ALMS1: variants seen among roughly 807,000 people sequenced by gnomAD.
ALMS1 encodes ALMS1 centrosome and basal body associated protein, also known as centrosome-associated protein ALMS1.
ALMS1 carries 271 observed loss-of-function variants against 352.2 expected under a neutral mutation model. The ratio of observed to expected loss-of-function variants is 0.77; its 90% CI spans 0.70 to 0.85. The LOEUF (loss-of-function observed/expected upper bound fraction) is 0.85, where lower values mean the gene tolerates loss of function less well. Ranked by LOEUF, ALMS1 falls within the 40% of genes least tolerant of loss-of-function variation. ALMS1 has a pLI of 0.00. For missense variants in ALMS1, 5,445 were observed against 4,870.7 expected (o/e 1.12, Z -3.51); for synonymous variants, 1,865 against 1,761.2 (o/e 1.06, Z -1.48).
chr2:73,539,983 A>C (rs1674130735), intron 12 of ALMS1, among the ~76,000 whole-genome samples: 1 of 152,356 alleles, frequency 6.6e-6, no homozygotes, highest in East Asian at 1.9e-4. Context: ...CCAATCTAGC[A>C]AGGCAGGCCA....
chr2:73,416,618 G>C (rs1055856286), intron 2 of ALMS1, among the ~76,000 whole-genome samples: 7 of 152,158 alleles, frequency 4.6e-5, no homozygotes, highest in African/African-American at 1.2e-4. Flanking sequence ...TATGGATTCT[G>C]TACCACCCGG....
intron 15 of ALMS1, among the ~76,000 whole-genome samples, chr2:73,567,229 T>C (rs1366643834): frequency 2.0e-5 from 3 of 152,170 alleles, no homozygotes; most frequent in Non-Finnish European, 2.9e-5. Flanking sequence ...AGGCCCCCCA[T>C]CCTAAGGGGC....
chr2:73,530,583 G>T (rs1261144960), intron 11 of ALMS1, among the ~76,000 whole-genome samples: 30 of 152,210 alleles, frequency 2.0e-4, no homozygotes, highest in Non-Finnish European at 1.5e-5. Flanking sequence ...CCATTCTGAG[G>T]TCTAGAGGAT....
At position 73,448,823 on chromosome 2, in the gene ALMS1, C is replaced by T; in HGVS notation, c.2296C>T (p.Gln766Ter). 6.2e-7 allele frequency: 1 copy of T among 1,613,982 alleles called. No homozygotes were observed. Among genetic ancestry groups the T allele is most frequent in the Non-Finnish European group, 8.5e-7 (1 of 1,179,970 alleles). Residue 766 changes from glutamine to a stop codon, truncating the protein, a stop_gained, in exon 8 of 23, where the codon CAA (glutamine) becomes TAA (stop). Transcript: ENST00000613296. LOFTEE classifies it high-confidence loss of function. ...AGCAGTACAGTCTAGTTCTTACTCA[C>T]AAAGAGAAAAGCCTAGTATTTTGTA... ...IPAVQSSSYS[Q>*]REKPSILYPQ...
chr2:73,561,425 G>T (rs1395122529), intron 15 of ALMS1, among the ~76,000 whole-genome samples: 1 of 152,132 alleles, frequency 6.6e-6, no homozygotes, highest in South Asian at 2.1e-4. Context: ...GCCTGTTGCT[G>T]CCTCTGGGAC....
chr2:73,478,709 T>TA (rs1442343523), intron 9 of ALMS1, among the ~76,000 whole-genome samples: 1 of 152,104 alleles, frequency 6.6e-6, no homozygotes, highest in African/African-American at 2.4e-5. Flanking sequence ...CCAGGATACA[T>TA]ATGCAGAACG....
chr2:73,568,251 C>G (rs1674843560), intron 15 of ALMS1, among the ~76,000 whole-genome samples: 1 of 152,124 alleles, frequency 6.6e-6, no homozygotes, highest in East Asian at 1.9e-4. Flanking sequence ...TCTTATAAGA[C>G]TATTATTAGA....
Position 73,419,370 on chromosome 2 carries a change from GC to G in ALMS1, c.646+53del, listed in dbSNP as rs1572911208. 3 of 1,559,012 alleles carry G rather than the reference GC, an allele frequency of 1.9e-6. No homozygotes were observed. The East Asian group carries it at 6.7e-5, about 35-fold the overall frequency. ...GTAATACCTCACATTTGTAAGTTTTGCGGGGACTGCAAGTCTTGTAACTTTC... is the reference window on the plus strand; with the variant it reads ...GTAATACCTCACATTTGTAAGTTTTGGGGGACTGCAAGTCTTGTAACTTTC... On this transcript the variant is annotated intron_variant, in intron 3 of 22. Coordinates refer to ENST00000613296, the MANE Select transcript of ALMS1 (RefSeq NM_001378454.1).
At chr2:73,410,769 A>G (rs1671060974) in intron 2 of ALMS1, among the ~76,000 whole-genome samples, 1 of 152,204 alleles carries the variant, frequency 6.6e-6, no homozygotes, top group Non-Finnish European at 1.5e-5. Flanking sequence ...AGCAGATAGG[A>G]AAAAAGCTCA....
intron 7 of ALMS1, 74 bp from the exon 8 acceptor site, chr2:73,447,886 C>T: frequency 7.0e-7 from 1 of 1,435,416 alleles, no homozygotes; most frequent in Non-Finnish European, 9.1e-7. Flanking sequence ...AGGCTCAAAG[C>T]TGGCTTTTTT....
chr2:73,582,607 G>A (rs887968641), intron 16 of ALMS1, among the ~76,000 whole-genome samples: 1 of 152,154 alleles, frequency 6.6e-6, no homozygotes, highest in Non-Finnish European at 1.5e-5. Context: ...CCTCATATGA[G>A]TGTAATCATG....
intron 14 of ALMS1, among the ~76,000 whole-genome samples, chr2:73,557,668 T>G (rs1674574250): frequency 6.6e-6 from 1 of 152,238 alleles, no homozygotes. Flanking sequence ...CTCTCAATTC[T>G]GTGAGACACG....
intron 12 of ALMS1, among the ~76,000 whole-genome samples, chr2:73,536,521 G>A (rs1450762300): frequency 2.0e-5 from 3 of 152,134 alleles, no homozygotes; most frequent in Non-Finnish European, 4.4e-5. Flanking sequence ...GAGTGAGGAA[G>A]TTGGGAATAG....
rs1343689605 is a variant in ALMS1, at chr2:73,452,084, C to G, written c.5557C>G (p.Gln1853Glu). ...CATCCTGCCCTCTAATTCCTACCCA[C>G]AGAGAGAGCACTCTGTCATTTCTTA... ...INILPSNSYP[Q>E]REHSVISYEQ... Residue 1853 changes from glutamine (Q) to glutamate (E), a missense_variant, in exon 8 of 23, where the codon CAG becomes GAG. By Grantham distance (29) the Gln-to-Glu change is conservative. Transcript: ENST00000613296. The G allele has an allele frequency of 6.2e-7, 1 of 1,614,050 alleles. No homozygotes were observed. Among genetic ancestry groups the G allele is most frequent in the Middle Eastern group, 1.6e-4 (1 of 6,062 alleles).
At chr2:73,491,575 T>C in intron 10 of ALMS1, 77 bp downstream of exon 10, 1 of 1,493,054 alleles carries the variant, frequency 6.7e-7, no homozygotes, top group African/African-American at 1.4e-5. Context: ...TAGATATCGG[T>C]TCTTGGGGGA....
intron 9 of ALMS1, among the ~76,000 whole-genome samples, chr2:73,467,229 A>C (rs1672374597): frequency 6.6e-6 from 1 of 152,136 alleles, no homozygotes; most frequent in Admixed American, 6.6e-5. Context: ...GGTATTTCGG[A>C]TACATATATT....
Position 73,490,825 on chromosome 2 carries a change from A to G in ALMS1, c.8866A>G (p.Ile2956Val), listed in dbSNP as rs1437509749. The G allele has an allele frequency of 6.2e-6, 10 of 1,613,832 alleles. No homozygotes were observed. Among genetic ancestry groups the G allele is most frequent in the Middle Eastern group, 1.6e-4 (1 of 6,084 alleles). Residue 2956 changes from isoleucine to valine, a missense_variant, in exon 10 of 23, where the codon ATA becomes GTA. Physicochemically the swap from Ile to Val is conservative, Grantham distance 29 (BLOSUM62 3). Transcript: ENST00000613296. ...TCCCCTTCCTCAAGGTCAGGATTCT[A>G]TAGCTTCAGACCTTCCGTCTCCCAT... is the stretch of plus-strand genomic sequence containing the variant. ...HSPLPQGQDS[I>V]ASDLPSPISL... is the part of the protein sequence containing the mutation.
At chr2:73,439,650 C>A (rs1377370142) in intron 7 of ALMS1, among the ~76,000 whole-genome samples, 1 of 152,040 alleles carries the variant, frequency 6.6e-6, no homozygotes, top group African/African-American at 2.4e-5. Context: ...AAGCGATTCT[C>A]CTGCCTCAGC....
chr2:73,446,367 T>C (rs1343873206), intron 7 of ALMS1, among the ~76,000 whole-genome samples: 1 of 152,170 alleles, frequency 6.6e-6, no homozygotes, highest in East Asian at 1.9e-4. Flanking sequence ...GGTTTTGTTT[T>C]GTTAATCTGT....
Sources: allele counts gnomAD v4.1 joint callset (sites outside exome capture counted in the v4.1 genomes callset), GRCh38; gene constraint gnomAD v4.1.1; transcripts MANE v1.5; gene names NCBI Gene and HGNC (gene_info 2026-07-23, HGNC 2026-07-21).